CTHRC1: variants seen among roughly 807,000 people sequenced by gnomAD.
CTHRC1 encodes collagen triple helix repeat-containing protein 1.
A neutral mutation model predicts 25.9 loss-of-function variants in CTHRC1; 21 were observed. The ratio of observed to expected loss-of-function variants is 0.81; its 90% CI spans 0.57 to 1.17. The LOEUF is 1.17. CTHRC1 is among the 50% of genes most tolerant of loss of function. The probability of loss-of-function intolerance (pLI) is 0.00; values close to 1 mark genes in which losing one functional copy is unlikely to be tolerated. For synonymous variants in CTHRC1, 109 were observed against 113.1 expected (o/e 0.96, Z 0.23); for missense variants, 281 against 304.3 (o/e 0.92, Z 0.57).
rs759408131 is a variant in CTHRC1 at position 103,371,753 on chromosome 8, A to AT, written c.98dup (p.Lys35GlnfsTer18). The AT allele has an allele frequency of 2.0e-5, 31 of 1,536,602 alleles. No individual in the cohort carries two copies. In the East Asian group the frequency reaches 7.4e-4, roughly 36 times the overall value. On this transcript the variant is annotated frameshift_variant, in exon 1 of 4. Coordinates refer to ENST00000330295, the MANE Select transcript of CTHRC1 (RefSeq NM_138455.4). LOFTEE classifies it high-confidence loss of function. ...GCCCGCGCCGTCGAGCGCCTCTGAGATCCCCAAGGGGAAGCAAAAGGCGCA... is the reference window on the plus strand; with the variant it reads ...GCCCGCGCCGTCGAGCGCCTCTGAGATTCCCCAAGGGGAAGCAAAAGGCGCA...
At chr8:103,377,956 A>C (rs1815835153) in intron 2 of CTHRC1, 71 bp from the exon 3 acceptor site, 2 of 1,263,286 alleles carry the variant, frequency 1.6e-6, no homozygotes, top group South Asian at 2.4e-5. Context: ...AGTAAAATTC[A>C]CCAGTCTCAA....
Position 103,373,781 on chromosome 8 carries a change from A to G in CTHRC1, c.151-1957A>G, listed in dbSNP as rs75195860. ...AGCCAAGTGTCCCCTGGAGGACAAA[A>G]TTGTCCCCAGTTGAGATCCACTGAT... On this transcript the variant is annotated intron_variant, in intron 1 of 3. Coordinates refer to ENST00000330295, the MANE Select transcript of CTHRC1 (RefSeq NM_138455.4). Among the ~76,000 whole-genome samples, 1,145 of 150,344 alleles carry G rather than the reference A, an allele frequency of 7.6e-3. 14 individuals are homozygous for G. Among genetic ancestry groups the G allele is most frequent in the African/African-American group, 0.026 (1,045 of 40,688 alleles).
In CTHRC1 at chr8:103,371,789, A is replaced by T; in HGVS notation, c.133A>T (p.Arg45Trp). 1 of 1,532,094 alleles carries T rather than the reference A, an allele frequency of 6.5e-7. No individual in the cohort carries two copies. Among genetic ancestry groups the T allele is most frequent in the African/African-American group, 1.4e-5 (1 of 70,724 alleles). 94.9% of individuals were successfully genotyped at this position (1,532,094 alleles called of 1,614,324 possible). A position where few individuals can be genotyped will look rare whatever the true frequency, so the allele number is the denominator to read the frequency against. ...KGKQKAQLRQ[R>W]EVVDLYNGMC... ...GAAGCAAAAGGCGCAGCTCCGGCAGAGGGAGGTGGTGGACCTGGTGAGTCC... is the reference window on the plus strand; with the variant it reads ...GAAGCAAAAGGCGCAGCTCCGGCAGTGGGAGGTGGTGGACCTGGTGAGTCC... Residue 45 changes from arginine (R) to tryptophan (W), a missense_variant, in exon 1 of 4, where the codon AGG becomes TGG. By Grantham distance (101) the Arg-to-Trp change is moderately radical (BLOSUM62 -3). Coordinates refer to ENST00000330295, the MANE Select transcript of CTHRC1 (RefSeq NM_138455.4).
At chr8:103,375,596 G>A (rs1815789489) in intron 1 of CTHRC1, 142 bp from the exon 2 acceptor site, 1 of 742,402 alleles carries the variant, frequency 1.3e-6, no homozygotes, top group African/African-American at 1.7e-5. Flanking sequence ...TGAATTCTCT[G>A]TAATAACTCA....
chr8:103,371,608 C>A lies in CTHRC1; in HGVS notation c.-49C>A. ...AGCCAGACGCTGACCACGTTCCTCT[C>A]CTCGGTCTCCTCCGCCTCCAGCTCC... On this transcript the variant is annotated 5_prime_UTR_variant, in exon 1 of 4. Coordinates refer to ENST00000330295, the MANE Select transcript of CTHRC1 (RefSeq NM_138455.4). The A allele has an allele frequency of 1.3e-6, 2 of 1,523,272 alleles. No individual in the cohort carries two copies. Among genetic ancestry groups the A allele is most frequent in the Non-Finnish European group, 1.8e-6 (2 of 1,137,182 alleles). 94.4% of individuals were successfully genotyped at this position (1,523,272 alleles called of 1,614,324 possible). A position where few individuals can be genotyped will look rare whatever the true frequency, so the allele number is the denominator to read the frequency against.
chr8:103,381,920 C>T (rs913310120), intron 3 of CTHRC1, among the ~76,000 whole-genome samples: 2 of 151,704 alleles, frequency 1.3e-5, no homozygotes, highest in African/African-American at 4.8e-5. Flanking sequence ...ATTGCTTGAA[C>T]GTGGGAAGCG....
In CTHRC1 at chr8:103,371,711, C is replaced by T. The variant is rs753921011; in HGVS notation, c.55C>T (p.Leu19Phe). 2.0e-6 allele frequency: 3 copies of T among 1,536,756 alleles called. No individual in the cohort carries two copies. The highest frequency in any genetic ancestry group is 2.0e-5 in the Admixed American group (1 of 50,166). ...SPQRLRGLLL[L>F]LLLQLPAPSS... ...GCAGCGGCTCCGCGGCCTCCTGCTG[C>T]TCCTGCTGCTGCAGCTGCCCGCGCC... The change falls in exon 1 of 4, where the codon CTC (leucine) becomes TTC (phenylalanine). Residue 19 changes from leucine to phenylalanine, a missense_variant. By Grantham distance (22) the Leu-to-Phe change is conservative. Transcript: ENST00000330295.
chr8:103,371,803 C>A lies in CTHRC1; in HGVS notation c.147C>A (p.Asp49Glu). The change falls in exon 1 of 4, where the codon GAC (aspartate) becomes GAA (glutamate). Residue 49 changes from aspartate (D) to glutamate (E), a missense_variant. By Grantham distance (45) the Asp-to-Glu change is conservative. Coordinates refer to ENST00000330295, the MANE Select transcript of CTHRC1 (RefSeq NM_138455.4). The stretch of plus-strand genomic sequence containing the variant: ...AGCTCCGGCAGAGGGAGGTGGTGGA[C>A]CTGGTGAGTCCGAGGGAGCCGAGCC... The part of the protein sequence containing the change: ...KAQLRQREVV[D>E]LYNGMCLQGP... 6.6e-7 allele frequency: 1 copy of A among 1,523,442 alleles called. No individual in the cohort carries two copies. The highest frequency in any genetic ancestry group is 8.8e-7 in the Non-Finnish European group (1 of 1,134,626). 94.4% of individuals were successfully genotyped at this position (1,523,442 alleles called of 1,614,324 possible). A position where few individuals can be genotyped will look rare whatever the true frequency, so the allele number is the denominator to read the frequency against.
At chr8:103,378,303 T>G in intron 3 of CTHRC1, 60 bp downstream of exon 3, 1 of 1,378,386 alleles carries the variant, frequency 7.3e-7, no homozygotes, top group Non-Finnish European at 1.0e-6. Context: ...TAGTTTTGAG[T>G]CCCACTATCA....
intron 3 of CTHRC1, among the ~76,000 whole-genome samples, chr8:103,380,503 T>G (rs1047431525): frequency 6.6e-6 from 1 of 152,254 alleles, no homozygotes; most frequent in African/African-American, 2.4e-5. Flanking sequence ...GAGGATGGCT[T>G]AAAGCCTTGA....
In CTHRC1 at chr8:103,378,062, T is replaced by G; in HGVS notation, c.408T>G (p.Ala136=). ...CTFTKMRSNS[A]LRVLFSGSLR... ...TTACAAAGATGCGTTCAAATAGTGC[T>G]CTAAGAGTTTTGTTCAGTGGCTCAC... Residue 136 remains alanine (A), a synonymous_variant, in exon 3 of 4, where the codon GCT becomes GCG. Transcript: ENST00000330295. 1 of 1,614,152 alleles carries G rather than the reference T, an allele frequency of 6.2e-7. No individual in the cohort carries two copies. The highest frequency in any genetic ancestry group is 8.5e-7 in the Non-Finnish European group (1 of 1,179,968).
intron 1 of CTHRC1, among the ~76,000 whole-genome samples, chr8:103,374,826 T>C (rs1317474744): frequency 6.6e-6 from 1 of 152,208 alleles, no homozygotes; most frequent in Non-Finnish European, 1.5e-5. Flanking sequence ...ATCCACATTT[T>C]ACAGATAAGG....
intron 1 of CTHRC1, 51 bp from the exon 2 acceptor site, chr8:103,375,687 T>C: frequency 1.4e-6 from 2 of 1,473,880 alleles, no homozygotes; most frequent in Non-Finnish European, 1.9e-6. Context: ...ATACTGAGTC[T>C]TTGACTCTTA....
chr8:103,372,780 A>C (rs867753765), intron 1 of CTHRC1: 1 of 672,216 alleles, frequency 1.5e-6, no homozygotes, highest in African/African-American at 1.8e-5. Flanking sequence ...GCATATTATA[A>C]ACTTCAGTCT....
intron 1 of CTHRC1, among the ~76,000 whole-genome samples, chr8:103,374,270 A>G (rs1563707812): frequency 6.6e-6 from 1 of 152,264 alleles, no homozygotes; most frequent in East Asian, 1.9e-4. Flanking sequence ...ATTGGATTTT[A>G]TCATCCAATC....
chr8:103,372,380 A>G (rs1586550205), intron 1 of CTHRC1: 7 of 1,344,178 alleles, frequency 5.2e-6, no homozygotes, highest in African/African-American at 2.9e-5. Flanking sequence ...CCTAGGGAGT[A>G]TGGGCTGCAA....
intron 3 of CTHRC1, among the ~76,000 whole-genome samples, chr8:103,380,599 C>A (rs138767321): frequency 2.0e-5 from 3 of 152,166 alleles, no homozygotes; most frequent in Non-Finnish European, 4.4e-5. Flanking sequence ...TCCAACATAT[C>A]GTTTTTACTT....
intron 1 of CTHRC1, among the ~76,000 whole-genome samples, chr8:103,375,171 G>A (rs1330275205): frequency 6.6e-6 from 1 of 152,054 alleles, no homozygotes; most frequent in Non-Finnish European, 1.5e-5. Context: ...CCAAGTTGGA[G>A]CTATTGCCAG....
intron 3 of CTHRC1, among the ~76,000 whole-genome samples, chr8:103,379,353 G>A (rs1446108118): frequency 6.6e-6 from 1 of 151,988 alleles, no homozygotes; most frequent in African/African-American, 2.4e-5. Flanking sequence ...GGCCTCAAGT[G>A]ATCCTCCTGC....
Sources: allele counts gnomAD v4.1 joint callset (sites outside exome capture counted in the v4.1 genomes callset), GRCh38; gene constraint gnomAD v4.1.1; transcripts MANE v1.5; gene names NCBI Gene and HGNC (gene_info 2026-07-23, HGNC 2026-07-21).